The following ABLIM2 variants were observed in gnomAD, a reference collection of about 807,000 sequenced individuals.
ABLIM2 encodes the protein actin-binding LIM protein 2.
A neutral mutation model predicts 97.7 loss-of-function variants in ABLIM2; 53 were observed. That is an observed-to-expected ratio of 0.54 (90% confidence interval 0.44 to 0.68). The LOEUF (loss-of-function observed/expected upper bound fraction) is 0.68. ABLIM2 is among the 30% of genes least tolerant of loss of function. The pLI, the probability that ABLIM2 is intolerant of heterozygous loss-of-function variation, is 0.00. For synonymous variants in ABLIM2, 361 were observed against 345.8 expected (o/e 1.04, Z -0.49); for missense variants, 835 against 867.2 (o/e 0.96, Z 0.47).
chr4:8,056,518 C>A (rs1030053939), intron 7 of ABLIM2, among the ~76,000 whole-genome samples: 10 of 151,930 alleles, frequency 6.6e-5, no homozygotes, highest in Non-Finnish European at 1.3e-4. Flanking sequence ...CTAGGCTGGT[C>A]TCAAACTCCT....
intron 16 of ABLIM2, chr4:7,993,991 G>C: frequency 2.0e-6 from 1 of 494,256 alleles, no homozygotes; most frequent in Non-Finnish European, 4.0e-6. Flanking sequence ...CGCCTGCCTG[G>C]CTCAGAGGTG....
rs1781627895 is a variant in ABLIM2, at chr4:8,032,557, G to A, written c.1048-2781C>T. 6.5e-7 allele frequency: 1 copy of A among 1,542,600 alleles called. No individual in the cohort carries two copies. Among genetic ancestry groups the A allele is most frequent in the Non-Finnish European group, 8.9e-7 (1 of 1,121,582 alleles). On this transcript the variant is annotated intron_variant, in intron 10 of 20. Coordinates refer to ENST00000447017, the MANE Select transcript of ABLIM2 (RefSeq NM_001130083.2). This position sits in a 1 kb window ranked among gnomAD's most constrained non-coding sequence, Gnocchi z 4.3. ...CCCATGGTGAAGAGCCACCGAGGAG[G>A]CCCTTCCCGGGAGTGCGGCTGGGTG...
At chr4:8,028,081 T>C (rs1433004493) in intron 11 of ABLIM2, among the ~76,000 whole-genome samples, 2 of 152,254 alleles carry the variant, frequency 1.3e-5, no homozygotes, top group Non-Finnish European at 2.9e-5. Context: ...GGGTGCTGCA[T>C]AGGAGCCTTG....
rs926056939 is a variant in ABLIM2 at position 7,965,533 on chromosome 4, G to A, written c.*1457C>T. ...GACTTGGCGTGTCATGGGCGCTAAG[G>A]AAACGGAGTAAGGCCGACTCACAGG... On this transcript the variant is annotated 3_prime_UTR_variant, in exon 21 of 21. Coordinates refer to ENST00000447017, the MANE Select transcript of ABLIM2 (RefSeq NM_001130083.2). 5 of 152,538 alleles carry A rather than the reference G, an allele frequency of 3.3e-5. No individual in the cohort carries two copies. Among genetic ancestry groups the A allele is most frequent in the Admixed American group, 2.0e-4 (3 of 15,280 alleles). The allele number at this position is 152,538 out of a possible 1,614,324, so 9.4% of individuals were successfully genotyped here.
At position 8,112,085 on chromosome 4, in the gene ABLIM2, CAG is replaced by C. The variant is rs1840628894; in HGVS notation, c.11-5450_11-5449del. On this transcript the variant is annotated intron_variant, in intron 1 of 20. Transcript: ENST00000447017. This position sits in a 1 kb window ranked among gnomAD's most constrained non-coding sequence, Gnocchi z 4.2. ...ACTCAAGTGCTAAGAATCTATCACA[CAG>C]GGGCTGAGAGTATTTAATCCCTCAT... 6.6e-6 allele frequency among the ~76,000 whole-genome samples: 1 copy of C among 152,230 alleles called. No individual in the cohort carries two copies. The highest frequency in any genetic ancestry group is 1.5e-5 in the Non-Finnish European group (1 of 68,050).
rs1774201749 is a variant in ABLIM2, at chr4:8,022,184, T to C, written c.1268-1881A>G. ...AAGACGGTTTGCTTCAGGCACCATC[T>C]CTAAGCTGTGTGTGCTCTTGGCACA... On this transcript the variant is annotated intron_variant, in intron 12 of 20. Coordinates refer to ENST00000447017, the MANE Select transcript of ABLIM2 (RefSeq NM_001130083.2). The surrounding 1 kb of genome is among the most constrained non-coding windows in gnomAD (Gnocchi z 7.8). Among the ~76,000 whole-genome samples, 1 of 152,182 alleles carries C rather than the reference T, an allele frequency of 6.6e-6. No individual in the cohort carries two copies. Among genetic ancestry groups the C allele is most frequent in the African/African-American group, 2.4e-5 (1 of 41,436 alleles).
rs752532991 is a variant in ABLIM2, at chr4:8,106,565, C to G, written c.83G>C (p.Gly28Ala). The change falls in exon 2 of 21, where the codon GGG becomes GCG. Residue 28 changes from glycine (G) to alanine (A), a missense_variant. Coordinates refer to ENST00000447017, the MANE Select transcript of ABLIM2 (RefSeq NM_001130083.2). ...PSTAILCNTC[G>A]NVCKGEVLRV... ...CAGCACCTCGCCCTTGCACACATTC[C>G]CACACGTGTTGCACAGGATCGCCGT... 6.2e-7 allele frequency: 1 copy of G among 1,610,318 alleles called. No homozygotes were observed. Among genetic ancestry groups the G allele is most frequent in the South Asian group, 1.1e-5 (1 of 89,990 alleles).
At chr4:8,097,375 A>C in intron 2 of ABLIM2, 93 bp from the exon 3 acceptor site, 2 of 1,412,930 alleles carry the variant, frequency 1.4e-6, no homozygotes, top group South Asian at 1.3e-5. Flanking sequence ...CACACACACC[A>C]CCACCTGACA....
At position 8,112,833 on chromosome 4, in the gene ABLIM2, G is replaced by A. The variant is rs1578120643; in HGVS notation, c.11-6196C>T. ...ACTGAGGCCCAGCTCAGGTGTGTCC[G>A]AGGCTCCTCCTCCCACCCCTTCCAT... On this transcript the variant is annotated intron_variant, in intron 1 of 20. Transcript: ENST00000447017. The surrounding 1 kb of genome is among the most constrained non-coding windows in gnomAD (Gnocchi z 4.2). 6.6e-6 allele frequency among the ~76,000 whole-genome samples: 1 copy of A among 152,182 alleles called. No individual in the cohort carries two copies. Among genetic ancestry groups the A allele is most frequent in the South Asian group, 2.1e-4 (1 of 4,828 alleles).
intron 3 of ABLIM2, among the ~76,000 whole-genome samples, chr4:8,092,148 C>T (rs1270276724): frequency 6.6e-6 from 1 of 151,052 alleles, no homozygotes; most frequent in Non-Finnish European, 1.5e-5. Flanking sequence ...CAGGTGCCTG[C>T]CACTACACCT....
chr4:7,978,099 T>C (rs1734994874), intron 20 of ABLIM2, among the ~76,000 whole-genome samples: 1 of 152,164 alleles, frequency 6.6e-6, no homozygotes, highest in African/African-American at 2.4e-5. Flanking sequence ...TAAATATATA[T>C]TAAAAATAAA....
In ABLIM2 at chr4:8,075,227, C is replaced by A. The variant is rs1485962433; in HGVS notation, c.675+2401G>T. On this transcript the variant is annotated intron_variant, in intron 6 of 20. Transcript: ENST00000447017. The surrounding 1 kb of genome is among the most constrained non-coding windows in gnomAD (Gnocchi z 4.4). ...TCATGATTCCATTCATATGAAACGT[C>A]CAGAAGAGAAGTCTATGGAGACAGA... 6.8e-6 allele frequency among the ~76,000 whole-genome samples: 1 copy of A among 147,620 alleles called. No individual in the cohort carries two copies. Among genetic ancestry groups the A allele is most frequent in the East Asian group, 2.0e-4 (1 of 5,022 alleles).
At position 8,069,150 on chromosome 4, in the gene ABLIM2, C is replaced by T. The variant is rs1206491622; in HGVS notation, c.676-8096G>A. ...TGCCTCTTCCTCTCTACCCAGCTCC[C>T]GTTAAGGCGTGAGCCTCAGGAGCGC... On this transcript the variant is annotated intron_variant, in intron 6 of 20. Coordinates refer to ENST00000447017, the MANE Select transcript of ABLIM2 (RefSeq NM_001130083.2). The surrounding 1 kb of genome is among the most constrained non-coding windows in gnomAD (Gnocchi z 4.2). Among the ~76,000 whole-genome samples the T allele has an allele frequency of 2.6e-5, 4 of 152,382 alleles. No homozygotes were observed. The highest frequency in any genetic ancestry group is 1.9e-4 in the East Asian group (1 of 5,188).
intron 14 of ABLIM2, among the ~76,000 whole-genome samples, chr4:8,014,338 C>A (rs967771519): frequency 2.0e-5 from 3 of 152,264 alleles, no homozygotes; most frequent in Non-Finnish European, 4.4e-5. Context: ...TTTGTCCCCT[C>A]CTACGTCTTC....
At position 7,983,244 on chromosome 4, in the gene ABLIM2, C is replaced by T. The variant is rs1320962532; in HGVS notation, c.1824+20G>A. ...CTCGCATGGGAAATGAGTCCCCTGC[C>T]CCGGCAGTCCCCCGCTTACCTCCAG... On this transcript the variant is annotated intron_variant, in intron 20 of 20. Coordinates refer to ENST00000447017, the MANE Select transcript of ABLIM2 (RefSeq NM_001130083.2). 3 of 1,601,222 alleles carry T rather than the reference C, an allele frequency of 1.9e-6. No individual in the cohort carries two copies. Among genetic ancestry groups the T allele is most frequent in the African/African-American group, 1.3e-5 (1 of 74,906 alleles).
intron 2 of ABLIM2, among the ~76,000 whole-genome samples, chr4:8,101,686 T>A (rs59642291): frequency 6.6e-6 from 1 of 152,086 alleles, no homozygotes; most frequent in Non-Finnish European, 1.5e-5. Context: ...CCACTTCCAA[T>A]AGGACCAGAA....
At chr4:8,144,637 G>T (rs979404893) in intron 1 of ABLIM2, among the ~76,000 whole-genome samples, 3 of 152,162 alleles carry the variant, frequency 2.0e-5, no homozygotes, top group African/African-American at 7.2e-5. Context: ...GTGACGCGGG[G>T]CAGGCTTCTC....
chr4:8,069,998 C>A lies in ABLIM2; in HGVS notation c.675+7630G>T, dbSNP rs1011013739. Among the ~76,000 whole-genome samples the A allele has an allele frequency of 1.3e-5, 2 of 151,828 alleles. No homozygotes were observed. Among genetic ancestry groups the A allele is most frequent in the Non-Finnish European group, 2.9e-5 (2 of 67,982 alleles). On this transcript the variant is annotated intron_variant, in intron 6 of 20. Transcript: ENST00000447017. The surrounding 1 kb of genome is among the most constrained non-coding windows in gnomAD (Gnocchi z 4.2). The stretch of plus-strand genomic sequence containing the variant: ...TGCACGTCTTGTATGTGTATGTGAT[C>A]TGTGTGTCCTTTTGTGTGTTTGTGT...
Position 8,068,206 on chromosome 4 carries a change from G to A in ABLIM2, c.676-7152C>T, listed in dbSNP as rs1002363210. On this transcript the variant is annotated intron_variant, in intron 6 of 20. Transcript: ENST00000447017. The surrounding 1 kb of genome is among the most constrained non-coding windows in gnomAD (Gnocchi z 4.5). The stretch of plus-strand genomic sequence containing the variant: ...CCAGGCAGGCGGAAGTCCCACCCTC[G>A]CCCGCGTGGGGCTCATGATGGCTCG... Among the ~76,000 whole-genome samples, 13 of 152,188 alleles carry A rather than the reference G, an allele frequency of 8.5e-5. No individual in the cohort carries two copies. The highest frequency in any genetic ancestry group is 2.9e-4 in the African/African-American group (12 of 41,452).
Sources: gnomAD v4.1 joint callset for allele counts (sites outside exome capture counted in the v4.1 genomes callset) on GRCh38, gnomAD v4.1.1 for gene constraint, Gnocchi (gnomAD v3.1) non-coding constraint, MANE v1.5 for transcripts, NCBI Gene and HGNC (gene_info 2026-07-23, HGNC 2026-07-21) for gene names.